The following ZNF185 variants were observed in gnomAD, a reference collection of about 807,000 sequenced individuals.
ZNF185 encodes the protein zinc finger protein 185 with LIM domain.
A neutral mutation model predicts 58.6 loss-of-function variants in ZNF185; 56 were observed. The observed-to-expected ratio is 0.95, with a 90% confidence interval of 0.77 to 1.19. The LOEUF is 1.19. Among genes scored for constraint, ZNF185 ranks in the 50% most tolerant of loss-of-function variants. The probability of loss-of-function intolerance (pLI) is 0.00; values close to 1 mark genes in which losing one functional copy is unlikely to be tolerated. For synonymous variants in ZNF185, 230 were observed against 215.9 expected (o/e 1.07, Z -0.57); for missense variants, 627 against 573.5 (o/e 1.09, Z -0.95).
At chrX:152,905,715 G>GC in the ZNF185 span, among the ~76,000 whole-genome samples, 1 of 106,238 alleles carries the variant, frequency 9.4e-6, no homozygotes, top group African/African-American at 3.6e-5. Context: ...GACAGGCTTG[G>GC]GGGGGGGGCG....
chrX:152,926,526 A>G (rs1343434729), intron 11 of ZNF185, among the ~76,000 whole-genome samples: 1 of 112,753 alleles, frequency 8.9e-6, no homozygotes, highest in Non-Finnish European at 1.9e-5. Context: ...TGAGTCACAC[A>G]CTGTTTGGCA....
At chrX:152,920,472 C>G in intron 8 of ZNF185, 61 bp downstream of exon 9, 1 of 1,116,470 alleles carries the variant, frequency 9.0e-7, no homozygotes, top group East Asian at 3.0e-5. Context: ...AGAGCTCCAG[C>G]CTTCTCTGGC....
At chrX:152,964,903 C>A (rs1556913314) in intron 18 of ZNF185, among the ~76,000 whole-genome samples, 1 of 111,599 alleles carries the variant, frequency 9.0e-6, no homozygotes, top group Non-Finnish European at 1.9e-5. Flanking sequence ...TCCAGTCCTG[C>A]AGAGGCCAGT....
intron 11 of ZNF185, among the ~76,000 whole-genome samples, chrX:152,927,544 C>T (rs782479706): frequency 8.9e-6 from 1 of 112,003 alleles, no homozygotes; most frequent in Admixed American, 9.5e-5. Flanking sequence ...TCAAGCCCAT[C>T]CTGCATCTTC....
At chrX:152,903,857 C>T in the ZNF185 span, among the ~76,000 whole-genome samples, 2 of 111,555 alleles carry the variant, frequency 1.8e-5, no homozygotes, top group African/African-American at 3.3e-5. Flanking sequence ...TCACCCCCAG[C>T]GCCCCACCAC....
At chrX:152,932,152 A>G (rs1181280419) in intron 13 of ZNF185, among the ~76,000 whole-genome samples, 1 of 112,436 alleles carries the variant, frequency 8.9e-6, no homozygotes, top group Non-Finnish European at 1.9e-5. Context: ...CAGCCCTGCC[A>G]ATGGCCAGGG....
the ZNF185 span, among the ~76,000 whole-genome samples, chrX:152,903,865 C>T: frequency 1.3e-4 from 15 of 111,698 alleles, no homozygotes; most frequent in Non-Finnish European, 2.4e-4. Context: ...AGCGCCCCAC[C>T]ACCTTGGGAA....
exon 7 of ZNF185, chrX:152,919,081 G>A (rs1939151588): frequency 8.3e-7 from 1 of 1,200,457 alleles, no homozygotes; most frequent in Middle Eastern, 2.3e-4. Context: ...CAGAAACGGA[G>A]GTAATGGAAT....
At chrX:152,965,346 C>A in intron 18 of ZNF185, 101 bp from the exon 21 acceptor site, 2 of 736,271 alleles carry the variant, frequency 2.7e-6, no homozygotes, top group Non-Finnish European at 4.0e-6. Flanking sequence ...TTCCTTCAAA[C>A]CAGGCTGGGT....
chrX:152,957,582 C>T (rs901353866), intron 16 of ZNF185, among the ~76,000 whole-genome samples: 1 of 112,100 alleles, frequency 8.9e-6, no homozygotes, highest in African/African-American at 3.2e-5. Context: ...GGAGAAAGTA[C>T]TGCCACATGG....
At chrX:152,925,965 A>G (rs1009179974) in intron 11 of ZNF185, among the ~76,000 whole-genome samples, 1 of 111,452 alleles carries the variant, frequency 9.0e-6, no homozygotes, top group African/African-American at 3.3e-5. Flanking sequence ...CAGTTTAGGG[A>G]CCCTCTCTTG....
intron 15 of ZNF185, among the ~76,000 whole-genome samples, chrX:152,941,006 C>A (rs1166650662): frequency 5.3e-5 from 6 of 112,232 alleles, no homozygotes; most frequent in Non-Finnish European, 1.1e-4. Context: ...TAGTTTTTCA[C>A]GTTGTGTCCC....
the ZNF185 span, among the ~76,000 whole-genome samples, chrX:152,901,722 T>C: frequency 9.0e-6 from 1 of 111,406 alleles, no homozygotes; most frequent in Non-Finnish European, 1.9e-5. Flanking sequence ...TATTGATGCA[T>C]TTGGCAGGTG....
chrX:152,927,557 T>G (rs1941099273), intron 11 of ZNF185, among the ~76,000 whole-genome samples: 1 of 111,689 alleles, frequency 9.0e-6, no homozygotes, highest in Non-Finnish European at 1.9e-5. Context: ...GCATCTTCCC[T>G]TTGCCATACC....
At chrX:152,958,477 C>A (rs1010647009) in intron 16 of ZNF185, among the ~76,000 whole-genome samples, 2 of 111,387 alleles carry the variant, frequency 1.8e-5, no homozygotes, top group Non-Finnish European at 3.8e-5. Context: ...AAGGGATGGC[C>A]AGGCACGGTG....
intron 15 of ZNF185, among the ~76,000 whole-genome samples, chrX:152,943,656 G>C (rs782805103): frequency 8.9e-6 from 1 of 112,891 alleles, no homozygotes; most frequent in South Asian, 3.6e-4. Flanking sequence ...CACAGGCCTA[G>C]GAAAGAAGAA....
At chrX:152,937,951 A>G in intron 14 of ZNF185, 123 bp from the exon 17 acceptor site, 1 of 616,720 alleles carries the variant, frequency 1.6e-6, no homozygotes, top group African/African-American at 2.2e-5. Flanking sequence ...GGACTGAGAC[A>G]CCAGCCTTTA....
chrX:152,970,431 T>A lies in ZNF185; in HGVS notation c.1975-12T>A. On this transcript the variant is annotated splice_polypyrimidine_tract_variant and intron_variant, in intron 21 of 22. Coordinates refer to ENST00000449285, the Ensembl canonical transcript of ZNF185. ...CTTTGTGTGTTGACCTCCAGCTTGCTTTTCTTTTCAGTGTGGGATTTGCAG... is the reference window on the plus strand; with the variant it reads ...CTTTGTGTGTTGACCTCCAGCTTGCATTTCTTTTCAGTGTGGGATTTGCAG... 5.0e-6 allele frequency: 6 copies of A among 1,208,455 alleles called. No individual in the cohort carries two copies. The highest frequency in any genetic ancestry group is 6.7e-6 in the Non-Finnish European group (6 of 893,178).
upstream of ZNF185, chrX:152,914,338 T>A: frequency 2.0e-6 from 1 of 504,566 alleles, no homozygotes; most frequent in East Asian, 3.8e-5. Context: ...CCACCCCCGA[T>A]GTGCAGAGGG....
Sources: allele counts gnomAD v4.1 joint callset (sites outside exome capture counted in the v4.1 genomes callset), GRCh38; gene constraint gnomAD v4.1.1; transcripts MANE v1.5; gene names NCBI Gene and HGNC (gene_info 2026-07-23, HGNC 2026-07-21).